CROT: variants seen among roughly 807,000 people sequenced by gnomAD.
The protein encoded by CROT is carnitine O-octanoyltransferase.
A neutral mutation model predicts 89.2 loss-of-function variants in CROT; 84 were observed. The ratio of observed to expected loss-of-function variants is 0.94; its 90% CI spans 0.79 to 1.13. CROT has a LOEUF of 1.13. Ranked by LOEUF, CROT falls within the 50% of genes most tolerant of loss-of-function variation. The pLI, the probability that CROT is intolerant of heterozygous loss-of-function variation, is 0.00. For missense variants in CROT, 711 were observed against 727.8 expected, an observed-to-expected ratio of 0.98 and a Z score of 0.27; for synonymous variants, 212 against 239.5, an observed-to-expected ratio of 0.89 and a Z score of 1.06.
chr7:87,380,078 T>G lies in CROT; in HGVS notation c.979-1832T>G, dbSNP rs1011905157. ...GTGAGCCATGGTTGTACCACTGCAC[T>G]CCCACCCAGGCAACAGAACAAGACC... is the stretch of plus-strand genomic sequence containing the variant. On this transcript the variant is annotated intron_variant, in intron 10 of 17. Coordinates refer to ENST00000331536, the MANE Select transcript of CROT (RefSeq NM_021151.4). 3.9e-5 allele frequency among the ~76,000 whole-genome samples: 6 copies of G among 152,114 alleles called. No homozygotes were observed. In the South Asian group the frequency reaches 1.0e-3, roughly 26 times the overall value.
At chr7:87,396,711 A>G (rs1807538074) in intron 17 of CROT, among the ~76,000 whole-genome samples, 1 of 152,146 alleles carries the variant, frequency 6.6e-6, no homozygotes, top group Non-Finnish European at 1.5e-5. Context: ...AAGTTGTTAA[A>G]TATAAAAACT....
chr7:87,372,007 C>CAAAAAAAAAAAAAAAAAAAAA (rs61300907), intron 7 of CROT, among the ~76,000 whole-genome samples: 4 of 124,002 alleles, frequency 3.2e-5, no homozygotes, highest in Non-Finnish European at 3.3e-5. Flanking sequence ...AAAAAAAAAA[C>CAAAAAAAAAAAAAAAAAAAAA]AAAAAAAAAA....
intron 10 of CROT, among the ~76,000 whole-genome samples, chr7:87,378,430 G>A (rs757405152): frequency 3.3e-5 from 5 of 151,744 alleles, no homozygotes; most frequent in Admixed American, 6.6e-5. Flanking sequence ...ACTAGCGTTA[G>A]CGTAAGAAGA....
intron 3 of CROT, among the ~76,000 whole-genome samples, chr7:87,358,080 T>C (rs1020101232): frequency 6.6e-6 from 1 of 152,206 alleles, no homozygotes; most frequent in African/African-American, 2.4e-5. Context: ...AACAACACTG[T>C]TAGAAGTTGA....
chr7:87,351,751 G>A (rs1805876110), intron 3 of CROT, among the ~76,000 whole-genome samples: 1 of 152,128 alleles, frequency 6.6e-6, no homozygotes, highest in South Asian at 2.1e-4. Flanking sequence ...CTCCACTAGA[G>A]GTACTTAGAA....
intron 9 of CROT, among the ~76,000 whole-genome samples, chr7:87,376,533 T>C (rs761119896): frequency 6.6e-5 from 10 of 152,040 alleles, no homozygotes; most frequent in Non-Finnish European, 1.5e-4. Context: ...AGAAATCTCA[T>C]AGTCTTTTGA....
At chr7:87,357,331 C>G (rs952793977) in intron 3 of CROT, among the ~76,000 whole-genome samples, 1 of 152,186 alleles carries the variant, frequency 6.6e-6, no homozygotes, top group African/African-American at 2.4e-5. Context: ...ACTCTCACCC[C>G]ATTGGGCTGG....
At chr7:87,391,844 G>T in intron 14 of CROT, 132 bp downstream of exon 14, 2 of 891,916 alleles carry the variant, frequency 2.2e-6, no homozygotes, top group Admixed American at 3.3e-5. Context: ...TCTTTTCTGA[G>T]GTTTTTAAAG....
Position 87,354,004 on chromosome 7 carries a change from T to C in CROT, c.115+4821T>C, listed in dbSNP as rs1584619322. Reference sequence around the variant, plus strand: ...TTGTAGTGATTAATTTTTATAACTTTAATAAATCCCAGCAATAAGACTAAG... The same window carrying C: ...TTGTAGTGATTAATTTTTATAACTTCAATAAATCCCAGCAATAAGACTAAG... On this transcript the variant is annotated intron_variant, in intron 3 of 17. Coordinates refer to ENST00000331536, the MANE Select transcript of CROT (RefSeq NM_021151.4). Among the ~76,000 whole-genome samples, 9 of 152,350 alleles carry C rather than the reference T, an allele frequency of 5.9e-5. No homozygotes were observed. In the South Asian group the frequency reaches 1.9e-3, roughly 32 times the overall value.
intron 12 of CROT, 53 bp downstream of exon 12, chr7:87,382,234 A>G (rs1807034766): frequency 2.7e-6 from 4 of 1,494,898 alleles, no homozygotes; most frequent in East Asian, 2.3e-5. Context: ...TTTAACAACC[A>G]TATGTAAAAA....
chr7:87,391,822 T>G, intron 14 of CROT, 110 bp downstream of exon 14: 5 of 1,076,566 alleles, frequency 4.6e-6, no homozygotes, highest in Non-Finnish European at 6.7e-6. Flanking sequence ...ATCATTAAAA[T>G]ACTTTGAGAC....
At position 87,377,100 on chromosome 7, in the gene CROT, C is replaced by T. The variant is rs190622747; in HGVS notation, c.877-249C>T. On this transcript the variant is annotated intron_variant, in intron 9 of 17. Transcript: ENST00000331536. ...TCTGTAAACATTCATGAATATTGTA[C>T]CAGCATTTTCTTTTCTGGTAGGATT... Among the ~76,000 whole-genome samples the T allele has an allele frequency of 8.9e-4, 135 of 152,162 alleles. 2 individuals are homozygous for T. The highest frequency in any genetic ancestry group is 7.5e-3 in the Admixed American group (115 of 15,286).
In CROT at chr7:87,392,640, A is replaced by G; in HGVS notation, c.1500A>G (p.Gly500=). The G allele has an allele frequency of 6.2e-7, 1 of 1,612,598 alleles. No homozygotes were observed. The highest frequency in any genetic ancestry group is 1.7e-5 in the Admixed American group (1 of 59,912). ...AAATGATGAAAGATTGTTCAGCTGG[A>G]AAAGGTACTTAAGTTAAAATTTTTC... ...HNKMMKDCSA[G]KGFDRHLLGL... The change falls in exon 15 of 18, where the codon GGA becomes GGG. Residue 500 remains glycine (G), a synonymous_variant. Transcript: ENST00000331536.
At chr7:87,385,206 AT>A (rs894866260) in intron 13 of CROT, among the ~76,000 whole-genome samples, 14 of 144,122 alleles carry the variant, frequency 9.7e-5, no homozygotes, top group East Asian at 4.1e-4. Context: ...GAATTTTTGG[AT>A]TTTTTTTTCC....
At chr7:87,374,184 G>A (rs779274756) in intron 7 of CROT, among the ~76,000 whole-genome samples, 25 of 152,048 alleles carry the variant, frequency 1.6e-4, no homozygotes, top group Non-Finnish European at 2.5e-4. Context: ...AAAATTAGAT[G>A]TGTAGCTGAA....
chr7:87,349,614 T>C (rs1805807670), intron 3 of CROT, among the ~76,000 whole-genome samples: 1 of 152,228 alleles, frequency 6.6e-6, no homozygotes, highest in Non-Finnish European at 1.5e-5. Context: ...ACATCTGGAC[T>C]TTCTACTGTT....
chr7:87,393,034 G>A lies in CROT; in HGVS notation c.1685G>A (p.Gly562Asp). ...GTGGTAGTTCCCATGGTACACAATG[G>A]TTATGGATTTTTCTACCATATCAGA... Reference protein sequence around the residue: ...QGVVVPMVHNGYGFFYHIRDD... With the variant: ...QGVVVPMVHNDYGFFYHIRDD... Residue 562 changes from glycine to aspartate, a missense_variant, in exon 17 of 18, where the codon GGT becomes GAT. Gly to Asp is a moderately conservative substitution (Grantham distance 94). Transcript: ENST00000331536. 2.5e-6 allele frequency: 4 copies of A among 1,613,526 alleles called. No homozygotes were observed. Among genetic ancestry groups the A allele is most frequent in the Non-Finnish European group, 3.4e-6 (4 of 1,179,598 alleles).
At chr7:87,389,565 T>C (rs953097972) in intron 13 of CROT, among the ~76,000 whole-genome samples, 6 of 151,092 alleles carry the variant, frequency 4.0e-5, no homozygotes, top group East Asian at 3.9e-4. Flanking sequence ...TAAGTGGGAG[T>C]TGAACAATGA....
chr7:87,351,308 C>CAAAAAA (rs11295263), intron 3 of CROT, among the ~76,000 whole-genome samples: 379 of 67,196 alleles, frequency 5.6e-3, no homozygotes, highest in Middle Eastern at 0.01. Context: ...GACTCCATCT[C>CAAAAAA]AAAAAAAAAA....
Sources: gnomAD v4.1 joint callset for allele counts (sites outside exome capture counted in the v4.1 genomes callset) on GRCh38, gnomAD v4.1.1 for gene constraint, MANE v1.5 for transcripts, NCBI Gene and HGNC (gene_info 2026-07-23, HGNC 2026-07-21) for gene names.